Variants in HTR1E observed in about 807,000 individuals in gnomAD.
The protein encoded by HTR1E is 5-hydroxytryptamine receptor 1E.
A neutral mutation model predicts 3.4 loss-of-function variants in HTR1E; 3 were observed. The observed-to-expected ratio is 0.89, with a 90% confidence interval of 0.41 to 2.31. The LOEUF is 2.31. Among genes scored for constraint, HTR1E ranks in the 30% most tolerant of loss-of-function variants. The pLI is 0.05. For missense variants in HTR1E, 392 were observed against 467.0 expected, an observed-to-expected ratio of 0.84 and a Z score of 1.48; for synonymous variants, 170 against 182.8, an observed-to-expected ratio of 0.93 and a Z score of 0.56.
intron 1 of HTR1E, among the ~76,000 whole-genome samples, chr6:86,976,108 G>T (rs1403809426): frequency 6.6e-6 from 1 of 152,070 alleles, no homozygotes; most frequent in East Asian, 1.9e-4. Flanking sequence ...CCACAAGACT[G>T]ATGACAGAAA....
At chr6:86,974,668 A>C (rs966265169) in intron 1 of HTR1E, among the ~76,000 whole-genome samples, 1 of 151,846 alleles carries the variant, frequency 6.6e-6, no homozygotes, top group Non-Finnish European at 1.5e-5. Context: ...AGTCTTCTCA[A>C]CTTTGAAGTT....
chr6:86,979,348 T>TTA (rs1767680389), intron 1 of HTR1E, among the ~76,000 whole-genome samples: 1 of 152,208 alleles, frequency 6.6e-6, no homozygotes, highest in Admixed American at 6.5e-5. Context: ...AAAAGGGGAA[T>TTA]TATATTTTCA....
chr6:86,986,634 T>C (rs1165016440), intron 1 of HTR1E, among the ~76,000 whole-genome samples: 3 of 152,188 alleles, frequency 2.0e-5, no homozygotes, highest in South Asian at 2.1e-4. Context: ...TTGAAGTTTA[T>C]ATGAGGTGAG....
chr6:87,010,361 G>A (rs1423457376), intron 1 of HTR1E, among the ~76,000 whole-genome samples: 19 of 115,668 alleles, frequency 1.6e-4, no homozygotes, highest in East Asian at 6.0e-4. Context: ...GGCCGGGCGG[G>A]GGGCTGACCC....
At chr6:86,964,606 A>T (rs1252541163) in intron 1 of HTR1E, among the ~76,000 whole-genome samples, 1 of 152,204 alleles carries the variant, frequency 6.6e-6, no homozygotes, top group Non-Finnish European at 1.5e-5. Flanking sequence ...ACCTCTCTTT[A>T]TAACAGTAAA....
intron 1 of HTR1E, among the ~76,000 whole-genome samples, chr6:86,941,909 AGTGTT>A (rs1768551745): frequency 6.6e-6 from 1 of 151,984 alleles, no homozygotes; most frequent in Non-Finnish European, 1.5e-5. Flanking sequence ...GAAGGAGGGA[AGTGTT>A]ATAAATATTG....
chr6:86,953,037 C>T (rs1767268219), intron 1 of HTR1E, among the ~76,000 whole-genome samples: 1 of 152,168 alleles, frequency 6.6e-6, no homozygotes, highest in South Asian at 2.1e-4. Flanking sequence ...ATAAAGTGAA[C>T]CTCTCTGCAT....
chr6:86,980,445 C>A (rs930263184), intron 1 of HTR1E, among the ~76,000 whole-genome samples: 1 of 151,386 alleles, frequency 6.6e-6, no homozygotes, highest in Non-Finnish European at 1.5e-5. Context: ...TGAAGAGGGA[C>A]GTGACAAGGC....
At chr6:87,001,314 A>G (rs569880342) in intron 1 of HTR1E, among the ~76,000 whole-genome samples, 50 of 152,362 alleles carry the variant, frequency 3.3e-4, no homozygotes, top group African/African-American at 1.1e-3. Flanking sequence ...TTACTTACGG[A>G]TAGTAACACT....
intron 1 of HTR1E, among the ~76,000 whole-genome samples, chr6:86,983,722 A>G (rs943403645): frequency 9.2e-5 from 14 of 152,188 alleles, no homozygotes; most frequent in African/African-American, 3.4e-4. Context: ...TATCCCAATC[A>G]CCCAGATTTG....
intron 1 of HTR1E, among the ~76,000 whole-genome samples, chr6:86,989,921 C>A (rs1288234365): frequency 6.6e-6 from 1 of 152,064 alleles, no homozygotes; most frequent in Non-Finnish European, 1.5e-5. Context: ...AAGATACCTA[C>A]AAATCTCCTT....
At chr6:86,977,877 T>C (rs191940756) in intron 1 of HTR1E, among the ~76,000 whole-genome samples, 14 of 152,326 alleles carry the variant, frequency 9.2e-5, no homozygotes, top group Admixed American at 2.6e-4. Context: ...AAGTGTCTGT[T>C]AATATCCTTT....
chr6:87,008,627 T>C (rs1768154268), intron 1 of HTR1E, among the ~76,000 whole-genome samples: 1 of 152,216 alleles, frequency 6.6e-6, no homozygotes, highest in Non-Finnish European at 1.5e-5. Flanking sequence ...AAGGTGAGTG[T>C]TGGCTCTTCC....
At chr6:86,997,507 A>C (rs926728884) in intron 1 of HTR1E, among the ~76,000 whole-genome samples, 2 of 151,890 alleles carry the variant, frequency 1.3e-5, no homozygotes, top group South Asian at 2.1e-4. Context: ...ATAATACAAG[A>C]TCAATACCCA....
intron 1 of HTR1E, among the ~76,000 whole-genome samples, chr6:86,944,140 G>C (rs1043293533): frequency 6.6e-6 from 1 of 152,232 alleles, no homozygotes; most frequent in African/African-American, 2.4e-5. Context: ...GCAGCTTGCT[G>C]TCCTTGGAGC....
chr6:86,976,254 GT>G (rs1431577689), intron 1 of HTR1E, among the ~76,000 whole-genome samples: 1 of 152,168 alleles, frequency 6.6e-6, no homozygotes, highest in Non-Finnish European at 1.5e-5. Context: ...AAAACCACAG[GT>G]GGGATGCTAA....
chr6:86,938,604 A>AT (rs1000356991), intron 1 of HTR1E, among the ~76,000 whole-genome samples: 2 of 152,198 alleles, frequency 1.3e-5, no homozygotes, highest in Non-Finnish European at 2.9e-5. Flanking sequence ...CCTTGTATTC[A>AT]ACCCAACGCT....
chr6:87,006,974 G>A (rs537909517), intron 1 of HTR1E, among the ~76,000 whole-genome samples: 14 of 152,262 alleles, frequency 9.2e-5, no homozygotes, highest in South Asian at 8.3e-4. Context: ...TAATGCTTGC[G>A]GAGCTTAATA....
At chr6:86,981,680 T>C (rs1767713508) in intron 1 of HTR1E, among the ~76,000 whole-genome samples, 1 of 152,210 alleles carries the variant, frequency 6.6e-6, no homozygotes, top group African/African-American at 2.4e-5. Flanking sequence ...AATAAATAAT[T>C]AGCTACGTAT....
Sources: gnomAD v4.1 joint callset for allele counts (sites outside exome capture counted in the v4.1 genomes callset) on GRCh38, gnomAD v4.1.1 for gene constraint, MANE v1.5 for transcripts, NCBI Gene and HGNC (gene_info 2026-07-23, HGNC 2026-07-21) for gene names.